RBM23: variants seen among roughly 807,000 people sequenced by gnomAD.
RBM23 encodes probable RNA-binding protein 23.
In RBM23, 53 loss-of-function variants were observed where a neutral mutation model predicts 56.2. The ratio of observed to expected loss-of-function variants is 0.94; its 90% CI spans 0.76 to 1.19. The LOEUF (loss-of-function observed/expected upper bound fraction) is 1.19, where lower values mean the gene tolerates loss of function less well. Among genes scored for constraint, RBM23 ranks in the 50% most tolerant of loss-of-function variants. The pLI, the probability that RBM23 is intolerant of heterozygous loss-of-function variation, is 0.00. For synonymous variants in RBM23, 197 were observed against 198.5 expected, an observed-to-expected ratio of 0.99 and a Z score of 0.06; for missense variants, 642 against 590.3, an observed-to-expected ratio of 1.09 and a Z score of -0.91.
rs1190823614 is a variant in RBM23, at chr14:22,908,333, C to T, written c.227G>A (p.Ser76Asn). 1.3e-6 allele frequency: 2 copies of T among 1,549,832 alleles called. No homozygotes were observed. The highest frequency in any genetic ancestry group is 3.9e-5 in the Admixed American group (2 of 50,960). The change falls in exon 4 of 14, where the codon AGT becomes AAT. Residue 76 changes from serine to asparagine, a missense_variant and splice_region_variant. Ser to Asn is a conservative substitution (Grantham distance 46, BLOSUM62 1). Transcript: ENST00000359890. Reference sequence around the variant, plus strand: ...CTGTGCCTGGCCCAGAATTACTGACCTGCGCTTTCTATCCCTGCTTTTATT... The same window carrying T: ...CTGTGCCTGGCCCAGAATTACTGACTTGCGCTTTCTATCCCTGCTTTTATT... ...SHNKSRDRKRSRSRDRDRYRR... is the reference protein window; with the variant it reads ...SHNKSRDRKRNRSRDRDRYRR...
chr14:22,906,281 C>G lies in RBM23; in HGVS notation c.315G>C (p.Trp105Cys), dbSNP rs192246201. The change falls in exon 5 of 14, where the codon TGG becomes TGC. Residue 105 changes from tryptophan (W) to cysteine (C), a missense_variant. Transcript: ENST00000359890. ...GCGACTCACTACCATGTCGACGATCCCAGCTACGGCTACGGTGACGACACT... is the reference window on the plus strand; with the variant it reads ...GCGACTCACTACCATGTCGACGATCGCAGCTACGGCTACGGTGACGACACT... ...GRQCRHRSRS[W>C]DRRHGSESRS... The G allele has an allele frequency of 5.0e-6, 8 of 1,614,230 alleles. No individual in the cohort carries two copies. The highest frequency in any genetic ancestry group is 6.8e-6 in the Non-Finnish European group (8 of 1,180,046).
Position 22,911,631 on chromosome 14 carries a change from G to T in RBM23, c.-10-228C>A, listed in dbSNP as rs571711047. ...TTGTGGCTTGGAACAGTCAAGGATA[G>T]TCCGGGCGCAGTGGCTCACACCTGT... On this transcript the variant is annotated intron_variant, in intron 1 of 13. Coordinates refer to ENST00000359890, the MANE Select transcript of RBM23 (RefSeq NM_001077351.2). The T allele has an allele frequency of 2.2e-3, 696 of 318,250 alleles. 15 individuals are homozygous for T. In the South Asian group the frequency reaches 0.03, roughly 14 times the overall value. 19.7% of individuals were successfully genotyped at this position (318,250 alleles called of 1,614,324 possible).
At chr14:22,917,078 G>A (rs557969714) in intron 1 of RBM23, 5 of 152,188 alleles carry the variant, frequency 3.3e-5, no homozygotes, top group East Asian at 3.9e-4. Flanking sequence ...ACATTGGTCA[G>A]GCTGGTCTCG....
rs549383867 is a variant in RBM23 at position 22,906,031 on chromosome 14, T to C, written c.401+164A>G. On this transcript the variant is annotated intron_variant, in intron 5 of 13. Transcript: ENST00000359890. ...TCCCAAAGTGCTGGGATTACAGGCATGAGCCACCACACCAGTAAATTTTGA... is the reference window on the plus strand; with the variant it reads ...TCCCAAAGTGCTGGGATTACAGGCACGAGCCACCACACCAGTAAATTTTGA... 2.8e-5 allele frequency: 23 copies of C among 814,352 alleles called. No homozygotes were observed. The South Asian group carries it at 4.1e-4, about 14-fold the overall frequency. 50.4% of individuals were successfully genotyped at this position (814,352 alleles called of 1,614,324 possible).
chr14:22,915,888 A>T (rs939834720), intron 1 of RBM23, among the ~76,000 whole-genome samples: 5 of 152,232 alleles, frequency 3.3e-5, no homozygotes, highest in Non-Finnish European at 7.3e-5. Flanking sequence ...CAAATTTTTT[A>T]AAACTAACGT....
At chr14:22,913,093 G>A (rs2042859002) in intron 1 of RBM23, among the ~76,000 whole-genome samples, 1 of 150,240 alleles carries the variant, frequency 6.7e-6, no homozygotes, top group East Asian at 2.0e-4. Flanking sequence ...AGAAGTAAGG[G>A]GAAGGGCTGG....
rs1209415629 is a variant in RBM23 at position 22,903,355 on chromosome 14, C to T, written c.930+906G>A. ...GCAACAATGCAAGGGCAAAAATGCC[C>T]CACAGAAGCCTTTCCATATCTCAGT... On this transcript the variant is annotated intron_variant, in intron 10 of 13. Coordinates refer to ENST00000359890, the MANE Select transcript of RBM23 (RefSeq NM_001077351.2). 4 of 985,336 alleles carry T rather than the reference C, an allele frequency of 4.1e-6. No individual in the cohort carries two copies. The African/African-American group carries it at 7.0e-5, about 17-fold the overall frequency. The allele number at this position is 985,336 out of a possible 1,614,324, so 61.0% of individuals were successfully genotyped here. A position where few individuals can be genotyped will look rare whatever the true frequency, so the allele number is the denominator to read the frequency against.
intron 2 of RBM23, 30 bp downstream of exon 2, chr14:22,911,298 C>G (rs1465646330): frequency 1.1e-5 from 18 of 1,593,860 alleles, no homozygotes; most frequent in Non-Finnish European, 1.5e-5. Flanking sequence ...CTCATTAACC[C>G]AATTCCAGGA....
chr14:22,906,447 T>A, intron 4 of RBM23, 79 bp from the exon 5 acceptor site: 2 of 1,518,250 alleles, frequency 1.3e-6, no homozygotes, highest in South Asian at 1.2e-5. Context: ...AGTGGTCCCA[T>A]AAGATTATAA....
chr14:22,908,552 C>T (rs2041958453), intron 3 of RBM23, 172 bp from the exon 4 acceptor site: 3 of 602,146 alleles, frequency 5.0e-6, no homozygotes, highest in Non-Finnish European at 8.2e-6. Context: ...ACCATCATGC[C>T]CAGCTAATTT....
At position 22,898,511 on chromosome 14, in the gene RBM23, T is replaced by C. The variant is rs2040284156; in HGVS notation, c.*3219A>G. 1 of 151,922 alleles carries C rather than the reference T, an allele frequency of 6.6e-6. No individual in the cohort carries two copies. Among genetic ancestry groups the C allele is most frequent in the Non-Finnish European group, 1.5e-5 (1 of 68,018 alleles). The allele number at this position is 151,922 out of a possible 1,614,324, so 9.4% of individuals were successfully genotyped here. A position where few individuals can be genotyped will look rare whatever the true frequency, so the allele number is the denominator to read the frequency against. On this transcript the variant is annotated 3_prime_UTR_variant, in exon 14 of 14. Coordinates refer to ENST00000359890, the MANE Select transcript of RBM23 (RefSeq NM_001077351.2). ...GCTTCTCTCCACTCTAACCACCTCGTATGGAGGGATGAGTAACAAGAAGGC... is the reference window on the plus strand; with the variant it reads ...GCTTCTCTCCACTCTAACCACCTCGCATGGAGGGATGAGTAACAAGAAGGC...
In RBM23 at chr14:22,899,993, G is replaced by C. The variant is rs1242628; in HGVS notation, c.*1737C>G. The C allele has an allele frequency of 0.1, 15,576 of 152,154 alleles. 957 individuals carry two copies. The highest frequency in any genetic ancestry group is 0.14 in the South Asian group (672 of 4,816). 9.4% of individuals were successfully genotyped at this position (152,154 alleles called of 1,614,324 possible). On this transcript the variant is annotated 3_prime_UTR_variant, in exon 14 of 14. Transcript: ENST00000359890. ...TTCTCATTTGGTCCCTAAGCTGGGTGAGACAGCCTCTCTCCCACCCCCTTA... is the reference window on the plus strand; with the variant it reads ...TTCTCATTTGGTCCCTAAGCTGGGTCAGACAGCCTCTCTCCCACCCCCTTA...
chr14:22,905,798 G>C (rs551188446), intron 5 of RBM23, 139 bp from the exon 6 acceptor site: 1 of 696,848 alleles, frequency 1.4e-6, no homozygotes, highest in Admixed American at 2.7e-5. Flanking sequence ...ACCCAGGCTG[G>C]AGTGCAGTGG....
At chr14:22,915,394 T>G (rs189722096) in intron 1 of RBM23, among the ~76,000 whole-genome samples, 38 of 151,362 alleles carry the variant, frequency 2.5e-4, no homozygotes, top group Admixed American at 1.3e-3. Context: ...GAGACCAGGT[T>G]TTCCGTGTTA....
chr14:22,913,141 G>A (rs1421052603), intron 1 of RBM23, among the ~76,000 whole-genome samples: 4 of 151,718 alleles, frequency 2.6e-5, no homozygotes, highest in African/African-American at 4.8e-5. Context: ...AAGGCCGGGC[G>A]CGGTGGCTCA....
At chr14:22,907,146 C>G (rs1398151583) in intron 4 of RBM23, among the ~76,000 whole-genome samples, 2 of 151,570 alleles carry the variant, frequency 1.3e-5, no homozygotes, top group African/African-American at 4.9e-5. Flanking sequence ...TGCACTCCAT[C>G]CTGGGCAACA....
chr14:22,912,780 C>T (rs9989231), intron 1 of RBM23, among the ~76,000 whole-genome samples: 3,312 of 146,866 alleles, frequency 0.023, 137 homozygotes, highest in African/African-American at 0.078. Context: ...ACGAGGTCAA[C>T]GACGAGGTCA....
chr14:22,903,056 A>C lies in RBM23; in HGVS notation c.931-674T>G, dbSNP rs564516856. 4 of 984,118 alleles carry C rather than the reference A, an allele frequency of 4.1e-6. No individual in the cohort carries two copies. The East Asian group carries it at 4.5e-4, about 112-fold the overall frequency. The allele number at this position is 984,118 out of a possible 1,614,324, so 61.0% of individuals were successfully genotyped here. A position where few individuals can be genotyped will look rare whatever the true frequency, so the allele number is the denominator to read the frequency against. On this transcript the variant is annotated intron_variant, in intron 10 of 13. Transcript: ENST00000359890. Reference sequence around the variant, plus strand: ...CTTGGCCTCCCAAACTGCTGGGATTACAGGTGTGAGCCACCGCGCCTGGCC... The same window carrying C: ...CTTGGCCTCCCAAACTGCTGGGATTCCAGGTGTGAGCCACCGCGCCTGGCC...
chr14:22,913,275 G>A (rs150908453), intron 1 of RBM23, among the ~76,000 whole-genome samples: 3,839 of 151,518 alleles, frequency 0.025, 45 homozygotes, highest in South Asian at 0.041. Flanking sequence ...TTAGCCGGGC[G>A]TGGTGGCGGG....
Sources: allele counts gnomAD v4.1 joint callset (sites outside exome capture counted in the v4.1 genomes callset), GRCh38; gene constraint gnomAD v4.1.1; transcripts MANE v1.5; gene names NCBI Gene and HGNC (gene_info 2026-07-23, HGNC 2026-07-21).